The following ACTR3B variants were observed in gnomAD, a reference collection of about 807,000 sequenced individuals.
ACTR3B encodes the protein actin-related protein 3B.
Under a neutral mutation model 59.0 loss-of-function variants are expected in ACTR3B, and 8 were observed. The observed-to-expected ratio is 0.14, with a 90% CI of 0.08 to 0.24. The LOEUF is 0.24. Ranked by LOEUF, ACTR3B falls within the 10% of genes least tolerant of loss-of-function variation. ACTR3B has a pLI of 1.00. For missense variants in ACTR3B, 245 were observed against 552.3 expected, an observed-to-expected ratio of 0.44 and a Z score of 5.58; for synonymous variants, 148 against 197.9, an observed-to-expected ratio of 0.75 and a Z score of 2.12.
In ACTR3B at chr7:152,852,159, A is replaced by G; in HGVS notation, c.985A>G (p.Arg329Gly). The change falls in exon 10 of 12, where the codon AGG (arginine) becomes GGG (glycine). Residue 329 changes from arginine to glycine, a missense_variant. Physicochemically the swap from Arg to Gly is moderately radical, Grantham distance 125 (BLOSUM62 -2). Transcript: ENST00000256001. Reference protein sequence around the residue: ...VVLSGGSTMFRDFGRRLQRDL... With the variant: ...VVLSGGSTMFGDFGRRLQRDL... ...ACTCTCAGGAGGCTCCACCATGTTC[A>G]GGGATTTCGGACGCCGACTGCAGAG... is the stretch of plus-strand genomic sequence containing the variant. 6.2e-7 allele frequency: 1 copy of G among 1,614,066 alleles called. No individual in the cohort carries two copies. The highest frequency in any genetic ancestry group is 1.3e-5 in the African/African-American group (1 of 75,018).
rs182226873 is a variant in ACTR3B, at chr7:152,819,987, C to T, written c.541-312C>T. Among the ~76,000 whole-genome samples, 216 of 152,344 alleles carry T rather than the reference C, an allele frequency of 1.4e-3. 2 individuals carry two copies. The highest frequency in any genetic ancestry group is 5.1e-3 in the African/African-American group (213 of 41,578). ...CTATTGGGTTTAGTGTTCTTACAGA[C>T]AGCATTTCTTTTTGGAAATGAACTA... On this transcript the variant is annotated intron_variant, in intron 6 of 11. Transcript: ENST00000256001.
intron 6 of ACTR3B, among the ~76,000 whole-genome samples, chr7:152,819,603 G>T (rs1410541517): frequency 6.6e-6 from 1 of 152,186 alleles, no homozygotes; most frequent in Non-Finnish European, 1.5e-5. Context: ...CCATTGATCG[G>T]CCCAGGGCGT....
chr7:152,797,068 A>AT (rs2098219938), intron 2 of ACTR3B, among the ~76,000 whole-genome samples: 1 of 151,468 alleles, frequency 6.6e-6, no homozygotes, highest in African/African-American at 2.4e-5. Context: ...GATTTAAAAA[A>AT]TTTTTTTAAT....
At chr7:152,761,803 G>A (rs1476829324) in intron 1 of ACTR3B, among the ~76,000 whole-genome samples, 2 of 152,090 alleles carry the variant, frequency 1.3e-5, no homozygotes, top group African/African-American at 4.8e-5. Context: ...ATTTAGTTTT[G>A]CCTCAAAATA....
chr7:152,845,748 C>T (rs1052793640), intron 9 of ACTR3B, among the ~76,000 whole-genome samples: 2 of 152,214 alleles, frequency 1.3e-5, no homozygotes, highest in African/African-American at 4.8e-5. Context: ...ACAGGGACAC[C>T]TGAGGGATGA....
chr7:152,837,960 G>T (rs1415982744), intron 9 of ACTR3B, among the ~76,000 whole-genome samples: 1,803 of 148,512 alleles, frequency 0.012, no homozygotes, highest in African/African-American at 0.045. Context: ...CCATTAAAGT[G>T]TTTCCATTTC....
chr7:152,797,139 C>G (rs578185348), intron 2 of ACTR3B, among the ~76,000 whole-genome samples: 13 of 152,198 alleles, frequency 8.5e-5, no homozygotes, highest in African/African-American at 3.1e-4. Context: ...GTTGCACAGG[C>G]TGGAGTGCAG....
intron 1 of ACTR3B, among the ~76,000 whole-genome samples, chr7:152,778,813 T>C (rs573633250): frequency 3.2e-4 from 48 of 151,274 alleles, no homozygotes; most frequent in Non-Finnish European, 5.5e-4. Flanking sequence ...TGTGATGGCC[T>C]GTGCCTGTGG....
chr7:152,806,751 C>G (rs1294965436), intron 4 of ACTR3B, among the ~76,000 whole-genome samples: 1 of 152,152 alleles, frequency 6.6e-6, no homozygotes, highest in Non-Finnish European at 1.5e-5. Context: ...TCTTACTGGC[C>G]TGAACTTACT....
chr7:152,831,572 A>T (rs1272307529), intron 9 of ACTR3B, among the ~76,000 whole-genome samples: 1 of 152,244 alleles, frequency 6.6e-6, no homozygotes, highest in Non-Finnish European at 1.5e-5. Context: ...AAATTGCCAT[A>T]TGTGGCTGAT....
Position 152,816,586 on chromosome 7 carries a change from G to C in ACTR3B, c.538G>C (p.Val180Leu). Residue 180 changes from valine to leucine, a missense_variant and splice_region_variant, in exon 6 of 12, where the codon GTG becomes CTG. Coordinates refer to ENST00000256001, the MANE Select transcript of ACTR3B (RefSeq NM_020445.6). ...AGATGGAGTCACCCATGTTATCCCA[G>C]TGGTAAGCAGAATAGTTAATATATA... ...SGDGVTHVIP[V>L]AEGYVIGSCI... 1 of 1,574,150 alleles carries C rather than the reference G, an allele frequency of 6.4e-7. No individual in the cohort carries two copies. Among genetic ancestry groups the C allele is most frequent in the Non-Finnish European group, 8.6e-7 (1 of 1,157,556 alleles).
At chr7:152,781,487 C>T (rs532737736) in intron 1 of ACTR3B, among the ~76,000 whole-genome samples, 1 of 152,098 alleles carries the variant, frequency 6.6e-6, no homozygotes, top group Admixed American at 6.6e-5. Flanking sequence ...GGACCCTGTT[C>T]TGGGCAGCGT....
chr7:152,801,006 CTT>C (rs368430946), intron 3 of ACTR3B, among the ~76,000 whole-genome samples: 3 of 145,582 alleles, frequency 2.1e-5, no homozygotes, highest in Non-Finnish European at 4.5e-5. Context: ...TTTAAGCAGA[CTT>C]TTTTTTTTTA....
At chr7:152,822,851 C>T (rs576883218) in intron 7 of ACTR3B, among the ~76,000 whole-genome samples, 1 of 152,342 alleles carries the variant, frequency 6.6e-6, no homozygotes, top group South Asian at 2.1e-4. Context: ...TGACAGTGGC[C>T]ACCCGGCTTG....
intron 9 of ACTR3B, among the ~76,000 whole-genome samples, chr7:152,826,993 C>T (rs1341518489): frequency 1.1e-4 from 17 of 151,764 alleles, no homozygotes; most frequent in Admixed American, 3.9e-4. Flanking sequence ...ATGTAAAATG[C>T]GGAGGGAAGA....
chr7:152,797,640 A>G (rs1212403172), intron 2 of ACTR3B, among the ~76,000 whole-genome samples: 1 of 152,082 alleles, frequency 6.6e-6, no homozygotes, highest in Non-Finnish European at 1.5e-5. Context: ...TCTCCTATCT[A>G]ACTGTAGTTA....
intron 2 of ACTR3B, among the ~76,000 whole-genome samples, chr7:152,796,515 A>G (rs2098216992): frequency 6.9e-6 from 1 of 144,070 alleles, no homozygotes; most frequent in Non-Finnish European, 1.5e-5. Flanking sequence ...CACCACCCTG[A>G]TAGGTAGTGG....
chr7:152,819,574 A>T (rs545325598), intron 6 of ACTR3B, among the ~76,000 whole-genome samples: 2 of 152,202 alleles, frequency 1.3e-5, no homozygotes, highest in South Asian at 4.1e-4. Context: ...GGGCATGTGG[A>T]CACTTGACAC....
intron 1 of ACTR3B, among the ~76,000 whole-genome samples, chr7:152,766,577 ACTTT>A (rs1214726102): frequency 6.6e-6 from 1 of 152,180 alleles, no homozygotes; most frequent in East Asian, 1.9e-4. Context: ...AGGCCCATTA[ACTTT>A]CTTCTGCACA....
Sources: allele counts gnomAD v4.1 joint callset (sites outside exome capture counted in the v4.1 genomes callset), GRCh38; gene constraint gnomAD v4.1.1; transcripts MANE v1.5; gene names NCBI Gene and HGNC (gene_info 2026-07-23, HGNC 2026-07-21).